The following C11orf65 variants were observed in gnomAD, a reference collection of about 807,000 sequenced individuals.
The protein encoded by C11orf65 is chromosome 11 open reading frame 65.
A neutral mutation model predicts 35.3 loss-of-function variants in C11orf65; 38 were observed. The ratio of observed to expected loss-of-function variants is 1.08; its 90% CI spans 0.83 to 1.41. The LOEUF is 1.41. Ranked by LOEUF, C11orf65 falls within the 40% of genes most tolerant of loss-of-function variation. The probability of loss-of-function intolerance (pLI) is 0.00; values close to 1 mark genes in which losing one functional copy is unlikely to be tolerated. For missense variants in C11orf65, 370 were observed against 367.1 expected (o/e 1.01, Z -0.06); for synonymous variants, 105 against 114.4 (o/e 0.92, Z 0.53).
chr11:108,446,694 A>G (rs1489194022), intron 2 of C11orf65, among the ~76,000 whole-genome samples: 1 of 152,216 alleles, frequency 6.6e-6, no homozygotes, highest in Non-Finnish European at 1.5e-5. Context: ...AAATGTAAAG[A>G]CCATCAAGGC....
chr11:108,367,442 A>T (rs2091392448), intron 2 of C11orf65: 2 of 201,338 alleles, frequency 9.9e-6, no homozygotes, highest in East Asian at 1.5e-4. Flanking sequence ...GTAGAAGTGG[A>T]ACATTTCTCT....
rs1421948643 is a variant in C11orf65, at chr11:108,429,813, G to C, written c.174+1933C>G. Among the ~76,000 whole-genome samples the C allele has an allele frequency of 2.6e-5, 4 of 152,164 alleles. No individual in the cohort carries two copies. The East Asian group carries it at 7.7e-4, about 29-fold the overall frequency. ...ACAATGGAATATTATTCAGCCTTAA[G>C]AAAGGAAAGAAATCCCGCAATAAAC... On this transcript the variant is annotated intron_variant, in intron 3 of 8. Coordinates refer to ENST00000393084, the MANE Select transcript of C11orf65 (RefSeq NM_152587.5).
At chr11:108,465,837 A>G (rs1460897263) in intron 1 of C11orf65, among the ~76,000 whole-genome samples, 3 of 152,098 alleles carry the variant, frequency 2.0e-5, no homozygotes, top group Non-Finnish European at 4.4e-5. Context: ...ATACAAAATT[A>G]GCTGGGTGTG....
At chr11:108,454,225 C>A (rs573041264) in intron 2 of C11orf65, among the ~76,000 whole-genome samples, 12 of 151,208 alleles carry the variant, frequency 7.9e-5, no homozygotes, top group African/African-American at 2.2e-4. Context: ...ATAGTAGTTT[C>A]TTATTATCTT....
At chr11:108,335,182 G>C (rs181026675) in intron 3 of C11orf65, 139 of 1,605,738 alleles carry the variant, frequency 8.7e-5, no homozygotes, top group Non-Finnish European at 1.1e-4. Flanking sequence ...TTTTCTTTCT[G>C]CTTTATTTGG....
chr11:108,430,375 G>A (rs1004325015), intron 3 of C11orf65, among the ~76,000 whole-genome samples: 14 of 148,726 alleles, frequency 9.4e-5, no homozygotes, highest in African/African-American at 3.2e-4. Flanking sequence ...TCCTGACCTC[G>A]TGATCCGCCC....
chr11:108,365,611 T>G, intron 2 of C11orf65: 1 of 1,371,352 alleles, frequency 7.3e-7, no homozygotes, highest in South Asian at 1.3e-5. Flanking sequence ...AATATTTAAG[T>G]GAACTATTGT....
intron 2 of C11orf65, among the ~76,000 whole-genome samples, chr11:108,444,973 G>A (rs906183818): frequency 1.1e-4 from 16 of 152,292 alleles, no homozygotes; most frequent in Admixed American, 3.3e-4. Flanking sequence ...CACATGGCTC[G>A]GAGGGTCCTA....
intron 2 of C11orf65, among the ~76,000 whole-genome samples, chr11:108,363,010 A>G (rs2090970915): frequency 6.6e-6 from 1 of 152,104 alleles, no homozygotes; most frequent in Non-Finnish European, 1.5e-5. Context: ...ACACCCTCCA[A>G]TGCTTTGTGT....
chr11:108,311,587 A>G (rs1268006270), intron 6 of C11orf65, among the ~76,000 whole-genome samples: 1 of 152,114 alleles, frequency 6.6e-6, no homozygotes, highest in African/African-American at 2.4e-5. Context: ...AGTCCCAGCA[A>G]CTCAGGAGGC....
intron 2 of C11orf65, among the ~76,000 whole-genome samples, chr11:108,364,665 A>C (rs2091147244): frequency 6.6e-6 from 1 of 152,180 alleles, no homozygotes; most frequent in African/African-American, 2.4e-5. Flanking sequence ...GTGAGGTCCA[A>C]ATAGGCTTGC....
intron 2 of C11orf65, among the ~76,000 whole-genome samples, chr11:108,377,306 G>C (rs976097477): frequency 1.3e-5 from 2 of 152,106 alleles, no homozygotes; most frequent in Non-Finnish European, 2.9e-5. Flanking sequence ...TTCATCCCTG[G>C]GATGCCAGGC....
intron 8 of C11orf65, among the ~76,000 whole-genome samples, chr11:108,384,181 G>T (rs947310319): frequency 4.6e-5 from 7 of 152,098 alleles, no homozygotes; most frequent in Non-Finnish European, 8.8e-5. Flanking sequence ...ATTTAAATTT[G>T]TAAAAGATGA....
rs181924288 is a variant in C11orf65 at position 108,354,692 on chromosome 11, C to T, written c.227-19400G>A. Reference sequence around the variant, plus strand: ...CCAAGTATTATGCTATTTTGAGATACAGATATGTAGATTATTAAGCATAGG... The same window carrying T: ...CCAAGTATTATGCTATTTTGAGATATAGATATGTAGATTATTAAGCATAGG... On this transcript the variant is annotated intron_variant, in intron 2 of 3. Coordinates refer to the C11orf65 transcript ENST00000524755. The T allele has an allele frequency of 4.1e-5, 37 of 904,506 alleles. No homozygotes were observed. The African/African-American group carries it at 5.2e-4, about 13-fold the overall frequency. The allele number at this position is 904,506 out of a possible 1,614,324, so 56.0% of individuals were successfully genotyped here.
At chr11:108,383,923 T>C (rs528428536) in intron 8 of C11orf65, among the ~76,000 whole-genome samples, 1 of 149,500 alleles carries the variant, frequency 6.7e-6, no homozygotes, top group Non-Finnish European at 1.5e-5. Flanking sequence ...CAGGCTAGAG[T>C]GCAGTGGCGC....
intron 3 of C11orf65, among the ~76,000 whole-genome samples, chr11:108,423,572 T>G (rs2092852861): frequency 2.0e-5 from 3 of 152,294 alleles, no homozygotes; most frequent in Admixed American, 2.0e-4. Context: ...AGGGACAGAC[T>G]GCCTCCTCAA....
intron 2 of C11orf65, among the ~76,000 whole-genome samples, chr11:108,454,970 T>G (rs914503837): frequency 1.3e-5 from 2 of 152,212 alleles, no homozygotes; most frequent in Middle Eastern, 3.2e-3. Flanking sequence ...CATTAGGTTG[T>G]TTGAGATCTT....
chr11:108,352,518 C>T lies in C11orf65; in HGVS notation c.227-17226G>A, dbSNP rs544319655. On this transcript the variant is annotated intron_variant, in intron 2 of 3. Coordinates refer to the C11orf65 transcript ENST00000524755. ...GAAACCTTCAGCATCTAGGGCTAAA[C>T]AGAGTTCCTAGACTTGATACCAAAA... 1.5e-3 allele frequency among the ~76,000 whole-genome samples: 227 copies of T among 152,300 alleles called. 1 individual carries two copies. The highest frequency in any genetic ancestry group is 5.4e-3 in the African/African-American group (223 of 41,560).
chr11:108,454,192 T>C (rs1591602649), intron 2 of C11orf65, among the ~76,000 whole-genome samples: 1 of 152,144 alleles, frequency 6.6e-6, no homozygotes, highest in Non-Finnish European at 1.5e-5. Context: ...TAAGTTATCC[T>C]ATTTATTGGC....
Sources: gnomAD v4.1 joint callset for allele counts (sites outside exome capture counted in the v4.1 genomes callset) on GRCh38, gnomAD v4.1.1 for gene constraint, MANE v1.5 for transcripts, NCBI Gene and HGNC (gene_info 2026-07-23, HGNC 2026-07-21) for gene names.